The following RBBP5 variants were observed in gnomAD, a reference collection of about 807,000 sequenced individuals.
The protein encoded by RBBP5 is RB binding protein 5, histone lysine methyltransferase complex subunit, also known as retinoblastoma-binding protein 5.
In RBBP5, 5 loss-of-function variants were observed where a neutral mutation model predicts 72.2. The ratio of observed to expected loss-of-function variants is 0.07; its 90% CI spans 0.04 to 0.15. RBBP5 has a LOEUF of 0.15. RBBP5 is among the 10% of genes least tolerant of loss of function. RBBP5 has a pLI of 1.00. For missense variants in RBBP5, 322 were observed against 652.2 expected (o/e 0.49, Z 5.51); for synonymous variants, 209 against 237.2 (o/e 0.88, Z 1.09).
In RBBP5 at chr1:205,087,953, AC is replaced by A. The variant is rs1015958628; in HGVS notation, c.*833del. On this transcript the variant is annotated 3_prime_UTR_variant, in exon 14 of 14. Coordinates refer to ENST00000264515, the MANE Select transcript of RBBP5 (RefSeq NM_005057.4). The stretch of plus-strand genomic sequence containing the variant: ...CTTTACTCCTTGCATAGATTCCCCC[AC>A]CCCAGTAAAAAAGTAGCTTGTTGAG... 2 of 152,372 alleles carry A rather than the reference AC, an allele frequency of 1.3e-5. No homozygotes were observed. Among genetic ancestry groups the A allele is most frequent in the African/African-American group, 4.8e-5 (2 of 41,388 alleles). The allele number at this position is 152,372 out of a possible 1,614,324, so 9.4% of individuals were successfully genotyped here. A position where few individuals can be genotyped will look rare whatever the true frequency, so the allele number is the denominator to read the frequency against.
At chr1:205,109,819 A>C (rs1476869713) in intron 3 of RBBP5, among the ~76,000 whole-genome samples, 1 of 152,126 alleles carries the variant, frequency 6.6e-6, no homozygotes, top group Non-Finnish European at 1.5e-5. Flanking sequence ...CAATGTGCTA[A>C]AGTCTACCTA....
chr1:205,115,802 C>A, intron 2 of RBBP5, 56 bp downstream of exon 2: 1 of 1,501,214 alleles, frequency 6.7e-7, no homozygotes, highest in Non-Finnish European at 8.9e-7. Flanking sequence ...TCTGTTCTAA[C>A]ATAAACACCC....
intron 3 of RBBP5, among the ~76,000 whole-genome samples, chr1:205,113,453 T>C (rs1656397340): frequency 1.3e-5 from 2 of 152,052 alleles, no homozygotes; most frequent in South Asian, 4.1e-4. Context: ...CTAATTTTTT[T>C]ACTTTTTGTA....
chr1:205,114,355 G>A (rs907760570), intron 3 of RBBP5, among the ~76,000 whole-genome samples: 7 of 152,114 alleles, frequency 4.6e-5, no homozygotes, highest in East Asian at 1.9e-4. Context: ...CTGTTTTTAC[G>A]TTTTCTATAA....
intron 5 of RBBP5, among the ~76,000 whole-genome samples, chr1:205,101,937 C>G (rs1274398207): frequency 6.7e-6 from 1 of 148,256 alleles, no homozygotes; most frequent in Non-Finnish European, 1.5e-5. Flanking sequence ...GCTCTTGTTG[C>G]CCAGGCTGGA....
At chr1:205,101,544 T>C in intron 6 of RBBP5, 56 bp downstream of exon 6, 1 of 1,257,546 alleles carries the variant, frequency 8.0e-7, no homozygotes, top group Non-Finnish European at 1.1e-6. Context: ...TCTCCATGTA[T>C]TTTTGCATTC....
intron 1 of RBBP5, among the ~76,000 whole-genome samples, chr1:205,117,265 GCTGGTCTC>G (rs1656563389): frequency 6.6e-6 from 1 of 151,960 alleles, no homozygotes; most frequent in Non-Finnish European, 1.5e-5. Flanking sequence ...TGTTGGCCAG[GCTGGTCTC>G]AAACTTCTGA....
intron 3 of RBBP5, among the ~76,000 whole-genome samples, chr1:205,111,063 C>T (rs1056629681): frequency 2.6e-5 from 4 of 151,208 alleles, no homozygotes; most frequent in African/African-American, 7.3e-5. Context: ...GACTCTGTCT[C>T]GAAAAAATTT....
intron 2 of RBBP5, among the ~76,000 whole-genome samples, chr1:205,115,173 T>G (rs1359483144): frequency 6.6e-6 from 1 of 152,238 alleles, no homozygotes; most frequent in Admixed American, 6.5e-5. Context: ...ACAGATGTGA[T>G]CAATCCCTTA....
chr1:205,121,343 C>T (rs1656729593), intron 1 of RBBP5, among the ~76,000 whole-genome samples: 1 of 152,194 alleles, frequency 6.6e-6, no homozygotes, highest in South Asian at 2.1e-4. Context: ...GATTCCAGTG[C>T]CAACTATGCC....
intron 13 of RBBP5, among the ~76,000 whole-genome samples, chr1:205,090,101 G>A (rs185465314): frequency 1.1e-4 from 17 of 152,234 alleles, no homozygotes; most frequent in African/African-American, 3.6e-4. Context: ...TGATCCACCC[G>A]CCTCGGACTC....
chr1:205,105,631 A>AAT (rs1248686035), intron 3 of RBBP5, among the ~76,000 whole-genome samples: 1 of 152,254 alleles, frequency 6.6e-6, no homozygotes, highest in Non-Finnish European at 1.5e-5. Context: ...CACTGGACAT[A>AAT]ATATATAAAA....
At chr1:205,113,491 CT>C (rs1183801664) in intron 3 of RBBP5, among the ~76,000 whole-genome samples, 1 of 151,966 alleles carries the variant, frequency 6.6e-6, no homozygotes, top group Non-Finnish European at 1.5e-5. Context: ...TGTTGGTCTC[CT>C]GGGCTCAAGG....
intron 1 of RBBP5, chr1:205,116,403 T>C (rs1449656752): frequency 3.5e-6 from 1 of 284,768 alleles, no homozygotes; most frequent in East Asian, 9.2e-5. Flanking sequence ...CTCTACTTCT[T>C]AAAAGTATAA....
chr1:205,097,414 G>T lies in RBBP5; in HGVS notation c.1097-19C>A, dbSNP rs1181608833. ...TCAGCCCCTGCAGGACAGAAACACA[G>T]GAGATGTTTGAGAAGAAGTGAAAAA... On this transcript the variant is annotated intron_variant, in intron 10 of 13. Coordinates refer to ENST00000264515, the MANE Select transcript of RBBP5 (RefSeq NM_005057.4). The T allele has an allele frequency of 5.2e-6, 8 of 1,551,380 alleles. No individual in the cohort carries two copies. The highest frequency in any genetic ancestry group is 1.4e-5 in the African/African-American group (1 of 73,076).
Position 205,121,939 on chromosome 1 carries a change from C to T in RBBP5, c.-66G>A. ...ACACCTTCTCCCCGGCCGGCTTCAG[C>T]AACTTGCGTCTAAGTGGTGGACGCC... On this transcript the variant is annotated 5_prime_UTR_variant, in exon 1 of 14. Transcript: ENST00000264515. 1.2e-6 allele frequency: 2 copies of T among 1,602,248 alleles called. No homozygotes were observed. Among genetic ancestry groups the T allele is most frequent in the Non-Finnish European group, 1.7e-6 (2 of 1,178,930 alleles).
In RBBP5 at chr1:205,099,118, G is replaced by C. The variant is rs1341197429; in HGVS notation, c.979-12C>G. ...GCACTCCAGTTTTCCTATACAACAA[G>C]ATATACTACTTAACCATATGTGAAA... is the stretch of plus-strand genomic sequence containing the variant. On this transcript the variant is annotated splice_polypyrimidine_tract_variant and intron_variant, in intron 9 of 13. Coordinates refer to ENST00000264515, the MANE Select transcript of RBBP5 (RefSeq NM_005057.4). This position sits in a 1 kb window ranked among gnomAD's most constrained non-coding sequence, Gnocchi z 4.7. 1 of 1,496,968 alleles carries C rather than the reference G, an allele frequency of 6.7e-7. No individual in the cohort carries two copies. Among genetic ancestry groups the C allele is most frequent in the Non-Finnish European group, 9.2e-7 (1 of 1,082,442 alleles). 92.7% of individuals were successfully genotyped at this position (1,496,968 alleles called of 1,614,324 possible). A position where few individuals can be genotyped will look rare whatever the true frequency, so the allele number is the denominator to read the frequency against.
chr1:205,114,425 G>A (rs1656442873), intron 3 of RBBP5, among the ~76,000 whole-genome samples: 1 of 152,144 alleles, frequency 6.6e-6, no homozygotes, highest in African/African-American at 2.4e-5. Flanking sequence ...TAAAATTACT[G>A]GAATTCAGTA....
chr1:205,109,922 TGGG>T, intron 3 of RBBP5, among the ~76,000 whole-genome samples: 1 of 152,096 alleles, frequency 6.6e-6, no homozygotes, highest in South Asian at 2.1e-4. Context: ...AGCTCTCTCC[TGGG>T]CAGTCAATCC....
Sources: gnomAD v4.1 joint callset for allele counts (sites outside exome capture counted in the v4.1 genomes callset) on GRCh38, gnomAD v4.1.1 for gene constraint, Gnocchi (gnomAD v3.1) non-coding constraint, MANE v1.5 for transcripts, NCBI Gene and HGNC (gene_info 2026-07-23, HGNC 2026-07-21) for gene names.